HS3ST5: variants seen among roughly 807,000 people sequenced by gnomAD.
The protein encoded by HS3ST5 is heparan sulfate-glucosamine 3-sulfotransferase 5.
In HS3ST5, 10 loss-of-function variants were observed where a neutral mutation model predicts 25.4. The observed-to-expected ratio is 0.39, with a 90% CI of 0.24 to 0.67. HS3ST5 has a LOEUF of 0.67. Ranked by LOEUF, HS3ST5 falls within the 30% of genes least tolerant of loss-of-function variation. The probability of loss-of-function intolerance (pLI) is 0.44; values close to 1 mark genes in which losing one functional copy is unlikely to be tolerated. For synonymous variants in HS3ST5, 170 were observed against 162.4 expected, an observed-to-expected ratio of 1.05 and a Z score of -0.36; for missense variants, 324 against 420.7, an observed-to-expected ratio of 0.77 and a Z score of 2.01.
chr6:114,118,881 T>C (rs1340996209), intron 3 of HS3ST5, among the ~76,000 whole-genome samples: 1 of 152,180 alleles, frequency 6.6e-6, no homozygotes, highest in South Asian at 2.1e-4. Context: ...TGCCACCATG[T>C]CTGGTGTCTG....
intron 2 of HS3ST5, among the ~76,000 whole-genome samples, chr6:114,216,955 T>C (rs1332572895): frequency 6.6e-6 from 1 of 152,102 alleles, no homozygotes; most frequent in Non-Finnish European, 1.5e-5. Context: ...AGCTGCTTTT[T>C]CATAAAGCTC....
At chr6:114,158,162 C>G (rs1416132752) in intron 3 of HS3ST5, among the ~76,000 whole-genome samples, 1 of 152,146 alleles carries the variant, frequency 6.6e-6, no homozygotes, top group Non-Finnish European at 1.5e-5. Context: ...GCTTTGTATG[C>G]CTGTGGACAG....
chr6:114,154,811 C>T (rs1173816077), intron 3 of HS3ST5, among the ~76,000 whole-genome samples: 2 of 152,144 alleles, frequency 1.3e-5, no homozygotes, highest in African/African-American at 4.8e-5. Flanking sequence ...GGGTTTGCTT[C>T]CTGTGGCCTT....
chr6:114,294,826 A>T (rs1774745274), intron 1 of HS3ST5, among the ~76,000 whole-genome samples: 1 of 152,236 alleles, frequency 6.6e-6, no homozygotes, highest in Admixed American at 6.5e-5. Flanking sequence ...GAAATTGGTC[A>T]AAAAGTTTTT....
At chr6:114,091,782 G>A (rs994962743) in intron 3 of HS3ST5, among the ~76,000 whole-genome samples, 1 of 152,118 alleles carries the variant, frequency 6.6e-6, no homozygotes, top group Non-Finnish European at 1.5e-5. Context: ...ATCTTTGCAT[G>A]TTTCCTGAAT....
At chr6:114,279,674 G>T (rs180846380) in intron 1 of HS3ST5, among the ~76,000 whole-genome samples, 5 of 152,006 alleles carry the variant, frequency 3.3e-5, no homozygotes, top group African/African-American at 1.2e-4. Context: ...CGGTATGGCT[G>T]GATTTACCTT....
chr6:114,251,790 A>T (rs1356031154), intron 1 of HS3ST5: 1 of 152,250 alleles, frequency 6.6e-6, no homozygotes, highest in Non-Finnish European at 1.5e-5. Flanking sequence ...ACAGAAATGG[A>T]GCCAGCACTG....
rs558908824 is a variant in HS3ST5, at chr6:114,213,434, TG to T, written c.-145+15150del. 1.4e-4 allele frequency among the ~76,000 whole-genome samples: 21 copies of T among 152,060 alleles called. No homozygotes were observed. The East Asian group carries it at 4.1e-3, about 29-fold the overall frequency. ...GAAGGCATGTTCTCACTCTGGGCTG[TG>T]GGTCCAGACTTGAGGGTGGGCTTCA... is the stretch of plus-strand genomic sequence containing the variant. On this transcript the variant is annotated intron_variant, in intron 2 of 4. Coordinates refer to ENST00000312719, the MANE Select transcript of HS3ST5 (RefSeq NM_153612.4).
chr6:114,071,439 AT>A (rs1773822228), intron 3 of HS3ST5, among the ~76,000 whole-genome samples: 1 of 152,222 alleles, frequency 6.6e-6, no homozygotes, highest in Non-Finnish European at 1.5e-5. Context: ...TTCTTCCTAT[AT>A]GGCACCACAG....
At chr6:114,164,977 T>C (rs6912443) in intron 3 of HS3ST5, among the ~76,000 whole-genome samples, 2,196 of 152,268 alleles carry the variant, frequency 0.014, 52 homozygotes, top group African/African-American at 0.045. Context: ...TAAAGTACCA[T>C]TAATTCCTCT....
At chr6:114,125,590 T>C (rs1326603752) in intron 3 of HS3ST5, among the ~76,000 whole-genome samples, 1 of 151,902 alleles carries the variant, frequency 6.6e-6, no homozygotes, top group Non-Finnish European at 1.5e-5. Context: ...TAGGTAGAGT[T>C]TTACTCCTAT....
At chr6:114,090,329 G>A (rs1010573815) in intron 3 of HS3ST5, among the ~76,000 whole-genome samples, 5 of 152,074 alleles carry the variant, frequency 3.3e-5, no homozygotes, top group African/African-American at 1.2e-4. Flanking sequence ...AACAAATTGT[G>A]TCTCGAATGC....
At chr6:114,341,606 T>C (rs1274088484) in intron 1 of HS3ST5, among the ~76,000 whole-genome samples, 9 of 112,528 alleles carry the variant, frequency 8.0e-5, no homozygotes, top group South Asian at 2.9e-4. Context: ...CGCGCGCGCG[T>C]GTGTGTTGGG....
chr6:114,242,974 G>A (rs1314331035), intron 1 of HS3ST5, among the ~76,000 whole-genome samples: 1 of 152,156 alleles, frequency 6.6e-6, no homozygotes, highest in African/African-American at 2.4e-5. Context: ...CAAAGGCTTG[G>A]GCAACGCTTG....
intron 1 of HS3ST5, among the ~76,000 whole-genome samples, chr6:114,265,276 G>A (rs1562257790): frequency 6.6e-6 from 1 of 152,174 alleles, no homozygotes; most frequent in Non-Finnish European, 1.5e-5. Context: ...GGTTGATGAT[G>A]TGTAACTCTG....
At chr6:114,247,360 A>G (rs1180226308) in intron 1 of HS3ST5, among the ~76,000 whole-genome samples, 3 of 152,210 alleles carry the variant, frequency 2.0e-5, no homozygotes, top group African/African-American at 7.2e-5. Context: ...GCTGGTCTTT[A>G]CTTGTACCTT....
intron 1 of HS3ST5, among the ~76,000 whole-genome samples, chr6:114,315,075 G>C: frequency 6.6e-6 from 1 of 152,140 alleles, no homozygotes; most frequent in East Asian, 1.9e-4. Context: ...AAAGCAACAA[G>C]TATTAATGTA....
chr6:114,165,459 T>A (rs1324355381), intron 3 of HS3ST5, among the ~76,000 whole-genome samples: 1 of 152,158 alleles, frequency 6.6e-6, no homozygotes, highest in Non-Finnish European at 1.5e-5. Flanking sequence ...GGTTTTCAAA[T>A]CCTTTGGGGA....
At chr6:114,165,974 A>G (rs1779191169) in intron 3 of HS3ST5, among the ~76,000 whole-genome samples, 1 of 152,144 alleles carries the variant, frequency 6.6e-6, no homozygotes, top group Non-Finnish European at 1.5e-5. Flanking sequence ...TGAGGACAGG[A>G]GTTCAAGACC....
Sources: gnomAD v4.1 joint callset for allele counts (sites outside exome capture counted in the v4.1 genomes callset) on GRCh38, gnomAD v4.1.1 for gene constraint, MANE v1.5 for transcripts, NCBI Gene and HGNC (gene_info 2026-07-23, HGNC 2026-07-21) for gene names.